The following KCNJ6 variants were observed in gnomAD, a reference collection of about 807,000 sequenced individuals.
KCNJ6 encodes the protein G protein-activated inward rectifier potassium channel 2.
KCNJ6 carries 9 observed loss-of-function variants against 34.2 expected under a neutral mutation model. The observed-to-expected ratio is 0.26, with a 90% CI of 0.16 to 0.46. KCNJ6 has a LOEUF of 0.46. KCNJ6 is among the 20% of genes least tolerant of loss of function. The pLI is 1.00. For missense variants in KCNJ6, 236 were observed against 531.3 expected (o/e 0.44, Z 5.46); for synonymous variants, 196 against 207.1 (o/e 0.95, Z 0.46).
At chr21:37,687,817 A>G (rs1408212988) in intron 3 of KCNJ6, among the ~76,000 whole-genome samples, 1 of 152,162 alleles carries the variant, frequency 6.6e-6, no homozygotes, top group Non-Finnish European at 1.5e-5. Flanking sequence ...CTGCACGGGC[A>G]TTGTGGCATC....
chr21:37,898,428 C>G (rs536778418), intron 1 of KCNJ6, among the ~76,000 whole-genome samples: 1 of 151,806 alleles, frequency 6.6e-6, no homozygotes, highest in South Asian at 2.1e-4. Context: ...ACTAAAAATA[C>G]AAAATTAGCC....
rs930986529 is a variant in KCNJ6, at chr21:37,675,959, G to C, written c.946+38252C>G. On this transcript the variant is annotated intron_variant, in intron 3 of 3. Transcript: ENST00000609713. This position sits in a 1 kb window ranked among gnomAD's most constrained non-coding sequence, Gnocchi z 4.2. Reference sequence around the variant, plus strand: ...GCTTGGCTCCTCTGTCCTCATGTGAGCTCTGGACCAGCAATACCTGCACCC... The same window carrying C: ...GCTTGGCTCCTCTGTCCTCATGTGACCTCTGGACCAGCAATACCTGCACCC... Among the ~76,000 whole-genome samples, 39 of 152,330 alleles carry C rather than the reference G, an allele frequency of 2.6e-4. No homozygotes were observed. Among genetic ancestry groups the C allele is most frequent in the South Asian group, 6.2e-4 (3 of 4,830 alleles).
At chr21:37,767,684 A>G (rs1438661787) in intron 2 of KCNJ6, among the ~76,000 whole-genome samples, 1 of 152,248 alleles carries the variant, frequency 6.6e-6, no homozygotes, top group Non-Finnish European at 1.5e-5. Context: ...AGACTGTGTC[A>G]TGTCCATACT....
chr21:37,801,977 G>T (rs913416022), intron 2 of KCNJ6, among the ~76,000 whole-genome samples: 6 of 152,196 alleles, frequency 3.9e-5, no homozygotes, highest in Non-Finnish European at 7.3e-5. Flanking sequence ...CTCAGAGAAG[G>T]TGTGATTTGC....
At chr21:37,855,867 C>A (rs534931819) in intron 1 of KCNJ6, among the ~76,000 whole-genome samples, 1 of 149,274 alleles carries the variant, frequency 6.7e-6, no homozygotes, top group Non-Finnish European at 1.5e-5. Context: ...GAAAAAATGA[C>A]TCTCTCCACT....
chr21:37,863,337 T>A (rs1466059388), intron 1 of KCNJ6, among the ~76,000 whole-genome samples: 5 of 152,202 alleles, frequency 3.3e-5, no homozygotes. Flanking sequence ...GGAAGCGAAT[T>A]TGACTCTTTG....
intron 3 of KCNJ6, among the ~76,000 whole-genome samples, chr21:37,677,855 A>G (rs2054573786): frequency 8.9e-6 from 1 of 111,996 alleles, no homozygotes; most frequent in Admixed American, 1.2e-4. Flanking sequence ...TCACCCATTC[A>G]TCAACCCATT....
intron 2 of KCNJ6, among the ~76,000 whole-genome samples, chr21:37,725,291 G>C (rs2054848488): frequency 6.6e-6 from 1 of 152,274 alleles, no homozygotes; most frequent in South Asian, 2.1e-4. Context: ...TACTTAGGAG[G>C]CTGAGGCAAG....
chr21:37,693,600 G>A (rs938057247), intron 3 of KCNJ6, among the ~76,000 whole-genome samples: 2 of 152,156 alleles, frequency 1.3e-5, no homozygotes, highest in Non-Finnish European at 2.9e-5. Flanking sequence ...GAAGAGAGGT[G>A]GGAGGGGTGG....
At chr21:37,822,788 C>T (rs983223699) in intron 2 of KCNJ6, among the ~76,000 whole-genome samples, 1 of 152,150 alleles carries the variant, frequency 6.6e-6, no homozygotes, top group South Asian at 2.1e-4. Flanking sequence ...AAGCCATAGA[C>T]TTAAATCACT....
In KCNJ6 at chr21:37,755,962, G is replaced by A. The variant is rs375090907; in HGVS notation, c.26-40831C>T. On this transcript the variant is annotated intron_variant, in intron 2 of 3. Coordinates refer to ENST00000609713, the MANE Select transcript of KCNJ6 (RefSeq NM_002240.5). Reference sequence around the variant, plus strand: ...TTGTGAAGTCTTTATTCGGTGGCTCGAAATGCTCAGAGCTTGAGAAGAAAA... The same window carrying A: ...TTGTGAAGTCTTTATTCGGTGGCTCAAAATGCTCAGAGCTTGAGAAGAAAA... Among the ~76,000 whole-genome samples, 205 of 152,330 alleles carry A rather than the reference G, an allele frequency of 1.3e-3. 1 individual carries two copies. The highest frequency in any genetic ancestry group is 4.8e-3 in the African/African-American group (199 of 41,566).
chr21:37,906,446 C>T (rs2055841931), intron 1 of KCNJ6, among the ~76,000 whole-genome samples: 1 of 152,208 alleles, frequency 6.6e-6, no homozygotes, highest in Non-Finnish European at 1.5e-5. Context: ...TGAGGAAAAC[C>T]TAAGCCAGTA....
chr21:37,734,730 G>C (rs1414043342), intron 2 of KCNJ6, among the ~76,000 whole-genome samples: 1 of 152,078 alleles, frequency 6.6e-6, no homozygotes, highest in African/African-American at 2.4e-5. Context: ...ACATGGAAGG[G>C]AAATAAAGGG....
intron 1 of KCNJ6, among the ~76,000 whole-genome samples, chr21:37,874,702 T>C (rs566921454): frequency 1.3e-5 from 2 of 152,134 alleles, no homozygotes; most frequent in African/African-American, 2.4e-5. Flanking sequence ...CTGGGAGGAA[T>C]GATGGGAGGG....
chr21:37,625,595 C>T, intron 3 of KCNJ6, 111 bp from the exon 4 acceptor site: 1 of 686,760 alleles, frequency 1.5e-6, no homozygotes. Context: ...GACTGACCTG[C>T]ATACGATGCC....
chr21:37,737,296 G>A (rs1380909745), intron 2 of KCNJ6, among the ~76,000 whole-genome samples: 1 of 152,136 alleles, frequency 6.6e-6, no homozygotes, highest in Non-Finnish European at 1.5e-5. Context: ...ATTCCTTGAG[G>A]TGATTCCTAC....
chr21:37,840,520 T>G lies in KCNJ6; in HGVS notation c.25+138A>C, dbSNP rs377571467. ...ATAAAGTAACATCAACATGATGCAG[T>G]GTGTGTGAAACAGATCTCGGTCCCG... On this transcript the variant is annotated intron_variant, in intron 2 of 3. Transcript: ENST00000609713. The G allele has an allele frequency of 9.7e-5, 59 of 610,392 alleles. 2 individuals carry two copies. The highest frequency in any genetic ancestry group is 9.5e-4 in the East Asian group (35 of 36,810). 37.8% of individuals were successfully genotyped at this position (610,392 alleles called of 1,614,324 possible). A position where few individuals can be genotyped will look rare whatever the true frequency, so the allele number is the denominator to read the frequency against.
rs2054295423 is a variant in KCNJ6, at chr21:37,623,107, AAG to A, written c.*2050_*2051del. ...GATTCAACAGAGATTCAATGCAAAA[AAG>A]GAAATGCTGGCAAACAGGAAAGGGC... On this transcript the variant is annotated 3_prime_UTR_variant, in exon 4 of 4. Coordinates refer to ENST00000609713, the MANE Select transcript of KCNJ6 (RefSeq NM_002240.5). 6.6e-6 allele frequency: 1 copy of A among 152,278 alleles called. No individual in the cohort carries two copies. Among genetic ancestry groups the A allele is most frequent in the African/African-American group, 2.4e-5 (1 of 41,448 alleles). 9.4% of individuals were successfully genotyped at this position (152,278 alleles called of 1,614,324 possible). A position where few individuals can be genotyped will look rare whatever the true frequency, so the allele number is the denominator to read the frequency against.
At chr21:37,914,405 C>A (rs1281669226) in intron 1 of KCNJ6, among the ~76,000 whole-genome samples, 1 of 152,170 alleles carries the variant, frequency 6.6e-6, no homozygotes, top group Non-Finnish European at 1.5e-5. Flanking sequence ...GGAACCACCA[C>A]CTCGGCGGCC....
Sources: allele counts gnomAD v4.1 joint callset (sites outside exome capture counted in the v4.1 genomes callset), GRCh38; gene constraint gnomAD v4.1.1; non-coding constraint Gnocchi (gnomAD v3.1); transcripts MANE v1.5; gene names NCBI Gene and HGNC (gene_info 2026-07-23, HGNC 2026-07-21).